The following METAP2 variants were observed in gnomAD, a reference collection of about 807,000 sequenced individuals.
METAP2 encodes the protein methionine aminopeptidase 2.
METAP2 carries 25 observed loss-of-function variants against 59.4 expected under a neutral mutation model. The ratio of observed to expected loss-of-function variants is 0.42; its 90% CI spans 0.31 to 0.59. The LOEUF is 0.59. Ranked by LOEUF, METAP2 falls within the 20% of genes least tolerant of loss-of-function variation. METAP2 has a pLI of 0.16. For synonymous variants in METAP2, 214 were observed against 194.1 expected (o/e 1.10, Z -0.85); for missense variants, 366 against 581.2 (o/e 0.63, Z 3.81).
chr12:95,483,472 TC>T, intron 3 of METAP2, 192 bp downstream of exon 3: 1 of 177,014 alleles, frequency 5.6e-6, no homozygotes, highest in Non-Finnish European at 1.0e-5. Flanking sequence ...TGAGACTCTG[TC>T]TCAAAAAAAA....
intron 8 of METAP2, among the ~76,000 whole-genome samples, chr12:95,504,611 T>G (rs536142184): frequency 6.6e-6 from 1 of 152,196 alleles, no homozygotes; most frequent in Non-Finnish European, 1.5e-5. Context: ...TAAGCGATCC[T>G]CCCACCTTAG....
intron 2 of METAP2, among the ~76,000 whole-genome samples, chr12:95,476,383 A>G (rs1436786952): frequency 3.9e-5 from 6 of 152,032 alleles, no homozygotes; most frequent in South Asian, 2.1e-4. Flanking sequence ...GTGGTAGCAC[A>G]CACCTGTAAT....
intron 3 of METAP2, 195 bp downstream of exon 3, chr12:95,483,475 C>CAAAA (rs141083015): frequency 1.2e-3 from 82 of 66,228 alleles, no homozygotes; most frequent in Middle Eastern, 0.011. Context: ...GACTCTGTCT[C>CAAAA]AAAAAAAAAA....
At chr12:95,479,643 C>T (rs1362938125) in intron 2 of METAP2, among the ~76,000 whole-genome samples, 1 of 150,046 alleles carries the variant, frequency 6.7e-6, no homozygotes, top group Non-Finnish European at 1.5e-5. Context: ...CGGAGTCTCA[C>T]TCTTGTCCAG....
intron 1 of METAP2, 61 bp from the exon 2 acceptor site, chr12:95,476,010 G>A: frequency 1.1e-6 from 1 of 946,146 alleles, no homozygotes; most frequent in South Asian, 1.6e-5. Context: ...GATCATTAGA[G>A]CATATTCTAG....
chr12:95,490,147 G>A (rs2076226629), intron 4 of METAP2, among the ~76,000 whole-genome samples: 1 of 150,700 alleles, frequency 6.6e-6, no homozygotes, highest in Admixed American at 6.7e-5. Flanking sequence ...TGTCAGCCAG[G>A]CTGGAATACA....
intron 7 of METAP2, among the ~76,000 whole-genome samples, chr12:95,498,219 C>T (rs888069085): frequency 6.6e-6 from 1 of 151,872 alleles, no homozygotes; most frequent in African/African-American, 2.4e-5. Context: ...TGCACCCTCA[C>T]CTTGTCCTCC....
At chr12:95,479,092 T>A (rs1191382115) in intron 2 of METAP2, among the ~76,000 whole-genome samples, 2 of 152,086 alleles carry the variant, frequency 1.3e-5, no homozygotes, top group Non-Finnish European at 2.9e-5. Context: ...AAAAAAGGAA[T>A]GTTATGAAAT....
intron 1 of METAP2, 56 bp from the exon 2 acceptor site, chr12:95,476,015 T>C (rs1442310807): frequency 2.0e-6 from 2 of 1,024,352 alleles, no homozygotes; most frequent in African/African-American, 3.2e-5. Context: ...TTAGAGCATA[T>C]TCTAGTGGGA....
At chr12:95,506,451 T>G (rs577135681) in intron 8 of METAP2, among the ~76,000 whole-genome samples, 72 of 151,840 alleles carry the variant, frequency 4.7e-4, no homozygotes, top group African/African-American at 1.7e-3. Context: ...CATGCGCCAC[T>G]ACACCCAGCT....
rs1422728127 is a variant in METAP2 at position 95,515,221 on chromosome 12, C to G, written c.*1317C>G. ...AAACCTATGACTTGTGTACCTAGAT[C>G]ATCTGTTACATTAAAAAGCTGCTCT... On this transcript the variant is annotated 3_prime_UTR_variant, in exon 11 of 11. Transcript: ENST00000323666. 6.6e-6 allele frequency: 1 copy of G among 152,580 alleles called. No homozygotes were observed. Among genetic ancestry groups the G allele is most frequent in the Admixed American group, 6.5e-5 (1 of 15,270 alleles). The allele number at this position is 152,580 out of a possible 1,614,324, so 9.5% of individuals were successfully genotyped here. A position where few individuals can be genotyped will look rare whatever the true frequency, so the allele number is the denominator to read the frequency against.
At chr12:95,512,573 A>G (rs2076411190) in intron 9 of METAP2, among the ~76,000 whole-genome samples, 1 of 152,104 alleles carries the variant, frequency 6.6e-6, no homozygotes, top group Non-Finnish European at 1.5e-5. Context: ...TTAGCCAGGC[A>G]TGGTGGCACG....
At chr12:95,484,724 G>C (rs1258397050) in intron 3 of METAP2, 3 of 355,220 alleles carry the variant, frequency 8.4e-6, no homozygotes, top group Non-Finnish European at 1.6e-5. Context: ...TTTTTTTTCT[G>C]CTTAGTATCA....
intron 7 of METAP2, among the ~76,000 whole-genome samples, chr12:95,498,931 C>T (rs976930164): frequency 4.0e-5 from 6 of 151,666 alleles, no homozygotes; most frequent in Non-Finnish European, 4.4e-5. Flanking sequence ...GGGAGGATCA[C>T]GTGAGCCCAG....
chr12:95,481,949 C>T (rs1324700297), intron 2 of METAP2, among the ~76,000 whole-genome samples: 1 of 152,208 alleles, frequency 6.6e-6, no homozygotes, highest in Non-Finnish European at 1.5e-5. Context: ...TCCCTATTGC[C>T]TGGCACTTAA....
intron 8 of METAP2, among the ~76,000 whole-genome samples, chr12:95,505,359 G>T (rs1476491457): frequency 6.6e-6 from 1 of 152,004 alleles, no homozygotes; most frequent in East Asian, 1.9e-4. Context: ...ACAGTCTCTC[G>T]CTCTGTTGCT....
intron 3 of METAP2, chr12:95,484,823 A>G (rs1406284726): frequency 2.2e-6 from 1 of 454,360 alleles, no homozygotes. Context: ...AATGTTGGCT[A>G]CTAAAGGGCT....
At chr12:95,508,217 A>AG (rs1281278178) in intron 8 of METAP2, among the ~76,000 whole-genome samples, 1 of 152,216 alleles carries the variant, frequency 6.6e-6, no homozygotes, top group African/African-American at 2.4e-5. Flanking sequence ...TCCTAGCCAA[A>AG]GCCATAAGGA....
intron 5 of METAP2, 32 bp downstream of exon 5, chr12:95,494,249 T>C (rs200000248): frequency 3.7e-5 from 59 of 1,591,262 alleles, no homozygotes; most frequent in Middle Eastern, 1.8e-4. Context: ...AAGAACATGA[T>C]AAAAAATGTT....
Sources: allele counts gnomAD v4.1 joint callset (sites outside exome capture counted in the v4.1 genomes callset), GRCh38; gene constraint gnomAD v4.1.1; transcripts MANE v1.5; gene names NCBI Gene and HGNC (gene_info 2026-07-23, HGNC 2026-07-21).